Variants in NRXN1 observed in about 807,000 individuals in gnomAD.
NRXN1 encodes the protein neurexin-1.
Under a neutral mutation model 150.9 loss-of-function variants are expected in NRXN1, and 39 were observed. The observed-to-expected ratio is 0.26, with a 90% CI of 0.20 to 0.34. The LOEUF is 0.34. Ranked by LOEUF, NRXN1 falls within the 10% of genes least tolerant of loss-of-function variation. NRXN1 has a pLI of 1.00. For missense variants in NRXN1, 1,815 were observed against 1,949.9 expected, an observed-to-expected ratio of 0.93 and a Z score of 1.30; for synonymous variants, 924 against 757.0, an observed-to-expected ratio of 1.22 and a Z score of -3.62.
intron 19 of NRXN1, among the ~76,000 whole-genome samples, chr2:50,090,588 A>G (rs1318813901): frequency 6.6e-6 from 1 of 152,190 alleles, no homozygotes; most frequent in Non-Finnish European, 1.5e-5. Context: ...TACAACCACA[A>G]GTAACATTGT....
At chr2:50,501,403 G>GTGTGTGTGTGTGTC (rs1338569826) in intron 13 of NRXN1, among the ~76,000 whole-genome samples, 2 of 149,496 alleles carry the variant, frequency 1.3e-5, no homozygotes, top group African/African-American at 2.5e-5. Flanking sequence ...GTGTGTGAGT[G>GTGTGTGTGTGTGTC]TGTGTGTGTG....
At chr2:50,438,463 T>A (rs946428597) in intron 17 of NRXN1, among the ~76,000 whole-genome samples, 2 of 152,188 alleles carry the variant, frequency 1.3e-5, no homozygotes, top group African/African-American at 4.8e-5. Flanking sequence ...TGTTCTGAGC[T>A]GACTCAAAAA....
At position 49,929,912 on chromosome 2, in the gene NRXN1, T is replaced by C. The variant is rs72885872; in HGVS notation, c.4217-7661A>G. On this transcript the variant is annotated intron_variant, in intron 22 of 22. Coordinates refer to ENST00000401669, the MANE Select transcript of NRXN1 (RefSeq NM_001330078.2). ...ACAAGAAGGAATCACACAGTTAAAGTAACAGCTGGGATATGCATGATGAAG... is the reference window on the plus strand; with the variant it reads ...ACAAGAAGGAATCACACAGTTAAAGCAACAGCTGGGATATGCATGATGAAG... Among the ~76,000 whole-genome samples, 300 of 152,202 alleles carry C rather than the reference T, an allele frequency of 2.0e-3. 2 individuals carry two copies. Among genetic ancestry groups the C allele is most frequent in the African/African-American group, 6.6e-3 (274 of 41,534 alleles).
Position 50,347,156 on chromosome 2 carries a change from A to C in NRXN1, c.3365-110186T>G. ...CCTAGCACCCCAAACAATCCGAAAC[A>C]TAGCCGAGGCGAATGCAGCTGGAGA... On this transcript the variant is annotated intron_variant, in intron 17 of 22. Coordinates refer to ENST00000401669, the MANE Select transcript of NRXN1 (RefSeq NM_001330078.2). This position sits in a 1 kb window ranked among gnomAD's most constrained non-coding sequence, Gnocchi z 4.9. The C allele has an allele frequency of 7.3e-7, 1 of 1,369,922 alleles. No individual in the cohort carries two copies. Among genetic ancestry groups the C allele is most frequent in the Non-Finnish European group, 9.6e-7 (1 of 1,042,456 alleles). The allele number at this position is 1,369,922 out of a possible 1,614,324, so 84.9% of individuals were successfully genotyped here. A position where few individuals can be genotyped will look rare whatever the true frequency, so the allele number is the denominator to read the frequency against.
At position 50,746,015 on chromosome 2, in the gene NRXN1, T is replaced by C. The variant is rs972822565; in HGVS notation, c.833-122400A>G. Among the ~76,000 whole-genome samples the C allele has an allele frequency of 3.9e-5, 6 of 152,142 alleles. 1 individual carries two copies. Among genetic ancestry groups the C allele is most frequent in the Non-Finnish European group, 7.3e-5 (5 of 68,030 alleles). Reference sequence around the variant, plus strand: ...TAGCCCAGCCTCTTCTGTGTTCAGATCATAGCAGCATCTAGCAGTGACTTG... The same window carrying C: ...TAGCCCAGCCTCTTCTGTGTTCAGACCATAGCAGCATCTAGCAGTGACTTG... On this transcript the variant is annotated intron_variant, in intron 5 of 22. Transcript: ENST00000401669.
chr2:50,959,343 T>C (rs555649093), intron 2 of NRXN1, among the ~76,000 whole-genome samples: 2 of 152,116 alleles, frequency 1.3e-5, no homozygotes, highest in Non-Finnish European at 2.9e-5. Context: ...AGGTAAAATA[T>C]GGAAACAACC....
intron 8 of NRXN1, among the ~76,000 whole-genome samples, chr2:50,575,583 G>A (rs772948634): frequency 2.0e-5 from 3 of 152,116 alleles, no homozygotes; most frequent in Non-Finnish European, 4.4e-5. Context: ...TAGATAAAAG[G>A]ATGGAGTAAC....
intron 8 of NRXN1, among the ~76,000 whole-genome samples, chr2:50,580,169 T>A (rs1177930541): frequency 1.3e-5 from 2 of 152,298 alleles, no homozygotes; most frequent in Admixed American, 6.5e-5. Flanking sequence ...TGCACACCCA[T>A]ATTTTAAAAG....
intron 18 of NRXN1, among the ~76,000 whole-genome samples, chr2:50,146,308 C>T (rs577915841): frequency 4.6e-5 from 7 of 151,700 alleles, no homozygotes; most frequent in African/African-American, 1.7e-4. Flanking sequence ...TACCATTTGA[C>T]CCAGCAATCC....
intron 5 of NRXN1, among the ~76,000 whole-genome samples, chr2:50,898,041 G>C (rs530701663): frequency 3.6e-4 from 55 of 152,232 alleles, no homozygotes; most frequent in African/African-American, 1.2e-3. Context: ...AGATATGCCA[G>C]GTCACACAAT....
chr2:50,814,698 T>G (rs538629822), intron 5 of NRXN1, among the ~76,000 whole-genome samples: 1 of 152,254 alleles, frequency 6.6e-6, no homozygotes, highest in African/African-American at 2.4e-5. Flanking sequence ...CTTAAAAATG[T>G]AAAATAATTA....
chr2:50,977,290 T>G (rs1696003138), intron 2 of NRXN1, among the ~76,000 whole-genome samples: 1 of 151,880 alleles, frequency 6.6e-6, no homozygotes, highest in Non-Finnish European at 1.5e-5. Flanking sequence ...TTTTGCTCAA[T>G]ATTTCATAAG....
intron 5 of NRXN1, among the ~76,000 whole-genome samples, chr2:50,866,134 G>A (rs1167699134): frequency 4.0e-5 from 6 of 151,696 alleles, no homozygotes; most frequent in Non-Finnish European, 1.5e-5. Context: ...AATTTAATAT[G>A]TAAATGAAAT....
chr2:50,173,709 T>C (rs1035137860), intron 18 of NRXN1, among the ~76,000 whole-genome samples: 1 of 152,222 alleles, frequency 6.6e-6, no homozygotes, highest in African/African-American at 2.4e-5. Flanking sequence ...CCTTATATTT[T>C]ATGTTAGCAT....
intron 5 of NRXN1, among the ~76,000 whole-genome samples, chr2:50,788,623 A>AG (rs1705488940): frequency 6.6e-6 from 1 of 151,588 alleles, no homozygotes; most frequent in African/African-American, 2.4e-5. Context: ...GAGAGAGAGA[A>AG]AGAGAGAGAC....
chr2:50,370,950 A>G (rs1228365693), intron 17 of NRXN1, among the ~76,000 whole-genome samples: 2 of 152,054 alleles, frequency 1.3e-5, no homozygotes, highest in African/African-American at 4.8e-5. Flanking sequence ...TACAACAAAT[A>G]TGTCCTTAGT....
At chr2:50,683,652 T>A (rs1203591511) in intron 5 of NRXN1, among the ~76,000 whole-genome samples, 758 of 24,302 alleles carry the variant, frequency 0.031, 18 homozygotes, top group African/African-American at 0.1. Context: ...AAAAAATATA[T>A]ATATATATAT....
intron 18 of NRXN1, among the ~76,000 whole-genome samples, chr2:50,108,049 G>C (rs1701909306): frequency 6.6e-6 from 1 of 151,716 alleles, no homozygotes; most frequent in African/African-American, 2.4e-5. Flanking sequence ...TCCAAAGTAG[G>C]TGTTCTTAAC....
chr2:50,544,596 T>G (rs749005716), intron 9 of NRXN1, among the ~76,000 whole-genome samples: 5 of 152,120 alleles, frequency 3.3e-5, no homozygotes, highest in Non-Finnish European at 5.9e-5. Flanking sequence ...AAAAGTTTAA[T>G]AATGTCTGGT....
Sources: gnomAD v4.1 joint callset for allele counts (sites outside exome capture counted in the v4.1 genomes callset) on GRCh38, gnomAD v4.1.1 for gene constraint, Gnocchi (gnomAD v3.1) non-coding constraint, MANE v1.5 for transcripts, NCBI Gene and HGNC (gene_info 2026-07-23, HGNC 2026-07-21) for gene names.